Variants in ZFHX3 observed in about 807,000 individuals in gnomAD.
ZFHX3 encodes zinc finger homeobox protein 3.
In ZFHX3, 42 loss-of-function variants were observed where a neutral mutation model predicts 279.1. The ratio of observed to expected loss-of-function variants is 0.15; its 90% confidence interval spans 0.12 to 0.19. ZFHX3 has a LOEUF of 0.19. Among genes scored for constraint, ZFHX3 ranks in the 10% least tolerant of loss-of-function variants. The pLI is 1.00. For synonymous variants in ZFHX3, 2,293 were observed against 1,957.8 expected (o/e 1.17, Z -4.52); for missense variants, 4,981 against 4,754.0 (o/e 1.05, Z -1.40).
intron 8 of ZFHX3, among the ~76,000 whole-genome samples, chr16:73,079,076 A>G (rs1330094791): frequency 1.3e-5 from 2 of 151,930 alleles, no homozygotes; most frequent in Non-Finnish European, 2.9e-5. Flanking sequence ...CCTTCCTTCT[A>G]TTCTGCTGTG....
intron 5 of ZFHX3, among the ~76,000 whole-genome samples, chr16:73,172,725 C>T (rs1025616712): frequency 1.3e-5 from 2 of 152,172 alleles, no homozygotes; most frequent in African/African-American, 2.4e-5. Context: ...ATGCCAAGCA[C>T]GGGATCCCGG....
In ZFHX3 at chr16:72,888,922, G is replaced by C. The variant is rs576257774; in HGVS notation, c.3448+809C>G. On this transcript the variant is annotated intron_variant, in intron 4 of 9. Transcript: ENST00000268489. ...TAGGATGAAAGGAGAGCTTTTCTTG[G>C]AAAGTTTTGGTTTCTAAAGAGGTAA... 7.9e-5 allele frequency among the ~76,000 whole-genome samples: 12 copies of C among 152,244 alleles called. No homozygotes were observed. In the East Asian group the frequency reaches 1.9e-3, roughly 25 times the overall value.
At chr16:73,643,187 A>G (rs2052588976) in intron 2 of ZFHX3, among the ~76,000 whole-genome samples, 1 of 152,228 alleles carries the variant, frequency 6.6e-6, no homozygotes, top group Non-Finnish European at 1.5e-5. Flanking sequence ...AGCACACACT[A>G]AAAGTCTTTA....
At position 72,786,397 on chromosome 16, in the gene ZFHX3, TTG is replaced by T. The variant is rs1322158246; in HGVS notation, c.*765_*766del. On this transcript the variant is annotated 3_prime_UTR_variant, in exon 10 of 10. Coordinates refer to ENST00000268489, the MANE Select transcript of ZFHX3 (RefSeq NM_006885.4). ...TTAAGCTACAAGTCCTCAACACTCT[TTG>T]TGTGTGTGGGTTATTATTTTTTTTT... is the stretch of plus-strand genomic sequence containing the variant. 1 of 151,698 alleles carries T rather than the reference TTG, an allele frequency of 6.6e-6. No individual in the cohort carries two copies. The highest frequency in any genetic ancestry group is 1.5e-5 in the Non-Finnish European group (1 of 67,898). 9.4% of individuals were successfully genotyped at this position (151,698 alleles called of 1,614,324 possible). A position where few individuals can be genotyped will look rare whatever the true frequency, so the allele number is the denominator to read the frequency against.
intron 3 of ZFHX3, among the ~76,000 whole-genome samples, chr16:72,890,894 A>G (rs756032633): frequency 6.6e-6 from 1 of 152,218 alleles, no homozygotes; most frequent in Non-Finnish European, 1.5e-5. Context: ...TAGTCCACAA[A>G]GTCTAGATTA....
At chr16:73,349,642 C>CTCCCTCCCTCCCTCCT (rs2016190526) in intron 3 of ZFHX3, among the ~76,000 whole-genome samples, 1 of 35,522 alleles carries the variant, frequency 2.8e-5, no homozygotes, top group East Asian at 7.8e-4. Flanking sequence ...CCCTCCCTCC[C>CTCCCTCCCTCCCTCCT]TCCCTCTCTC....
chr16:73,639,626 G>A (rs1463038937), intron 2 of ZFHX3, among the ~76,000 whole-genome samples: 1 of 152,124 alleles, frequency 6.6e-6, no homozygotes, highest in Admixed American at 6.6e-5. Context: ...GAGTTTCCCT[G>A]TATAAATTTA....
At chr16:73,396,698 A>G (rs1369722375) in intron 3 of ZFHX3, among the ~76,000 whole-genome samples, 1 of 152,178 alleles carries the variant, frequency 6.6e-6, no homozygotes, top group Non-Finnish European at 1.5e-5. Context: ...CCTCACTATC[A>G]AGAGAACAGC....
At chr16:73,709,917 C>T (rs1188348063) in intron 1 of ZFHX3, among the ~76,000 whole-genome samples, 1 of 152,202 alleles carries the variant, frequency 6.6e-6, no homozygotes, top group Non-Finnish European at 1.5e-5. Context: ...CGTGGTGGCT[C>T]ATGCCTGTAA....
chr16:72,964,325 G>T (rs539554641), intron 1 of ZFHX3, among the ~76,000 whole-genome samples: 1 of 152,160 alleles, frequency 6.6e-6, no homozygotes, highest in African/African-American at 2.4e-5. Flanking sequence ...AAATTACAGT[G>T]CACAGAGCTC....
At chr16:73,384,607 T>C (rs1421399533) in intron 3 of ZFHX3, among the ~76,000 whole-genome samples, 1 of 152,206 alleles carries the variant, frequency 6.6e-6, no homozygotes, top group African/African-American at 2.4e-5. Flanking sequence ...TCAGCTGTAA[T>C]CAAAGAAAGT....
At position 72,785,401 on chromosome 16, in the gene ZFHX3, C is replaced by CTT. The variant is rs1011960615; in HGVS notation, c.*1761_*1762dup. 35 of 152,740 alleles carry CTT rather than the reference C, an allele frequency of 2.3e-4. No homozygotes were observed. Among genetic ancestry groups the CTT allele is most frequent in the Middle Eastern group, 3.4e-3 (1 of 294 alleles). The allele number at this position is 152,740 out of a possible 1,614,324, so 9.5% of individuals were successfully genotyped here. The stretch of plus-strand genomic sequence containing the variant: ...CAGACTGCCTAACACAAGGACAAAA[C>CTT]TTTGAAGTAAAAAATGTGTCTTTTG... On this transcript the variant is annotated 3_prime_UTR_variant, in exon 10 of 10. Transcript: ENST00000268489.
chr16:73,415,461 A>T (rs535536107), intron 3 of ZFHX3, among the ~76,000 whole-genome samples: 30 of 152,226 alleles, frequency 2.0e-4, no homozygotes, highest in Admixed American at 6.5e-5. Context: ...TGGTGGAAAC[A>T]CACACTATGG....
At chr16:72,983,800 G>T (rs1222571047) in intron 1 of ZFHX3, among the ~76,000 whole-genome samples, 1 of 152,072 alleles carries the variant, frequency 6.6e-6, no homozygotes, top group Non-Finnish European at 1.5e-5. Flanking sequence ...CCTACCATCT[G>T]TCCTTGGAGC....
Position 72,914,547 on chromosome 16 carries a change from C to A in ZFHX3, c.3217-24585G>T, listed in dbSNP as rs150245422. 4.9e-3 allele frequency among the ~76,000 whole-genome samples: 744 copies of A among 152,322 alleles called. 7 individuals are homozygous for A. The highest frequency in any genetic ancestry group is 7.2e-3 in the Non-Finnish European group (493 of 68,024). On this transcript the variant is annotated intron_variant, in intron 3 of 9. Transcript: ENST00000268489. ...CTTGGCCCACAACACCCCCGATCTA[C>A]AACCTGCAAATATTTACTCATGGGC...
chr16:72,832,957 C>A (rs1219165121), intron 4 of ZFHX3, among the ~76,000 whole-genome samples: 1 of 152,186 alleles, frequency 6.6e-6, no homozygotes, highest in Non-Finnish European at 1.5e-5. Flanking sequence ...GGATGAAAGC[C>A]CAGGCTGACA....
At chr16:73,149,299 T>TATTA (rs745379101) in intron 5 of ZFHX3, among the ~76,000 whole-genome samples, 16 of 149,264 alleles carry the variant, frequency 1.1e-4, no homozygotes, top group Non-Finnish European at 2.2e-4. Flanking sequence ...TATCAGCAGA[T>TATTA]ATTATACTTT....
rs751531306 is a variant in ZFHX3 at position 72,785,562 on chromosome 16, A to C, written c.*1602T>G. The C allele has an allele frequency of 9.2e-5, 14 of 152,648 alleles. No homozygotes were observed. Among genetic ancestry groups the C allele is most frequent in the Non-Finnish European group, 1.8e-4 (12 of 68,038 alleles). The allele number at this position is 152,648 out of a possible 1,614,324, so 9.5% of individuals were successfully genotyped here. A position where few individuals can be genotyped will look rare whatever the true frequency, so the allele number is the denominator to read the frequency against. ...TAAATCAGAAACAAATTCTCAAGTA[A>C]CAAGAACCCTTTCCCTTTTTTCTGC... On this transcript the variant is annotated 3_prime_UTR_variant, in exon 10 of 10. Transcript: ENST00000268489.
At chr16:73,422,429 C>G (rs1320873737) in intron 3 of ZFHX3, among the ~76,000 whole-genome samples, 1 of 152,162 alleles carries the variant, frequency 6.6e-6, no homozygotes, top group South Asian at 2.1e-4. Flanking sequence ...CAGGGGCCAC[C>G]CTGTCTATCC....
Sources: gnomAD v4.1 joint callset for allele counts (sites outside exome capture counted in the v4.1 genomes callset) on GRCh38, gnomAD v4.1.1 for gene constraint, MANE v1.5 for transcripts, NCBI Gene and HGNC (gene_info 2026-07-23, HGNC 2026-07-21) for gene names.